BMP6: variants seen among roughly 807,000 people sequenced by gnomAD.
BMP6 encodes bone morphogenetic protein 6.
In BMP6, 17 loss-of-function variants were observed where a neutral mutation model predicts 54.1. That is an observed-to-expected ratio of 0.31 (90% CI 0.22 to 0.47). The LOEUF is 0.47. Ranked by LOEUF, BMP6 falls within the 20% of genes least tolerant of loss-of-function variation. The pLI is 1.00. For missense variants in BMP6, 720 were observed against 690.4 expected (o/e 1.04, Z -0.48); for synonymous variants, 328 against 291.2 (o/e 1.13, Z -1.28).
intron 1 of BMP6, among the ~76,000 whole-genome samples, chr6:7,758,419 A>AT (rs1052273079): frequency 9.9e-5 from 15 of 151,994 alleles, no homozygotes; most frequent in Admixed American, 2.6e-4. Context: ...ACCACCAGGC[A>AT]TTTTTTTTCA....
In BMP6 at chr6:7,791,461, C is replaced by T. The variant is rs559722455; in HGVS notation, c.665-53679C>T. Among the ~76,000 whole-genome samples the T allele has an allele frequency of 2.6e-5, 4 of 152,218 alleles. No individual in the cohort carries two copies. The South Asian group carries it at 8.3e-4, about 32-fold the overall frequency. ...ACCTCTACAGTCACTGCCTCTGGCC[C>T]CTTAAATGTTAGTGTTTTTCAGGCA... On this transcript the variant is annotated intron_variant, in intron 1 of 6. Coordinates refer to ENST00000283147, the MANE Select transcript of BMP6 (RefSeq NM_001718.6).
intron 1 of BMP6, among the ~76,000 whole-genome samples, chr6:7,828,739 G>A (rs181600961): frequency 2.0e-5 from 3 of 152,354 alleles, no homozygotes; most frequent in Admixed American, 2.0e-4. Context: ...ATACATTGGA[G>A]GGGAGTTTAG....
chr6:7,764,666 G>A (rs1240942278), intron 1 of BMP6, among the ~76,000 whole-genome samples: 1 of 152,018 alleles, frequency 6.6e-6, no homozygotes, highest in Admixed American at 6.6e-5. Context: ...ATTTTTTTAG[G>A]GGCAGGGTCT....
intron 1 of BMP6, among the ~76,000 whole-genome samples, chr6:7,769,477 G>T (rs1361382867): frequency 6.6e-6 from 1 of 152,170 alleles, no homozygotes; most frequent in Non-Finnish European, 1.5e-5. Context: ...CATTGAGTAG[G>T]GGTCGAGTTC....
intron 1 of BMP6, among the ~76,000 whole-genome samples, chr6:7,770,338 G>A (rs1027558897): frequency 1.3e-5 from 2 of 152,042 alleles, no homozygotes; most frequent in African/African-American, 4.8e-5. Context: ...AGGTCCTGGT[G>A]GTTTGGTTCA....
chr6:7,843,818 A>G lies in BMP6; in HGVS notation c.665-1322A>G, dbSNP rs78110199. ...TAGACACCTAAAATCTGACTGAAAA[A>G]TCATCAGTAATTGCAATTTCTCATT... On this transcript the variant is annotated intron_variant, in intron 1 of 6. Coordinates refer to ENST00000283147, the MANE Select transcript of BMP6 (RefSeq NM_001718.6). 8.9e-3 allele frequency among the ~76,000 whole-genome samples: 1,352 copies of G among 152,284 alleles called. 29 individuals are homozygous for G. The highest frequency in any genetic ancestry group is 0.03 in the African/African-American group (1,254 of 41,540).
chr6:7,749,025 T>C (rs1261687215), intron 1 of BMP6, among the ~76,000 whole-genome samples: 1 of 152,214 alleles, frequency 6.6e-6, no homozygotes, highest in Non-Finnish European at 1.5e-5. Flanking sequence ...TCTTCCACAT[T>C]GATGCTACTA....
chr6:7,770,467 T>G (rs769829016), intron 1 of BMP6, among the ~76,000 whole-genome samples: 2 of 152,298 alleles, frequency 1.3e-5, no homozygotes, highest in Non-Finnish European at 1.5e-5. Flanking sequence ...ACTGGGAGTT[T>G]TTTTCACGAT....
At chr6:7,745,641 A>G (rs191147302) in intron 1 of BMP6, among the ~76,000 whole-genome samples, 7 of 152,296 alleles carry the variant, frequency 4.6e-5, no homozygotes, top group Admixed American at 2.0e-4. Context: ...TTGGTTGTCC[A>G]GTGTTTATTG....
At chr6:7,827,459 C>G (rs1456325234) in intron 1 of BMP6, among the ~76,000 whole-genome samples, 2 of 152,178 alleles carry the variant, frequency 1.3e-5, no homozygotes, top group Non-Finnish European at 2.9e-5. Context: ...AACTGAGAAA[C>G]CTTTGGCTGG....
At chr6:7,828,995 A>T (rs1032086490) in intron 1 of BMP6, among the ~76,000 whole-genome samples, 1 of 152,178 alleles carries the variant, frequency 6.6e-6, no homozygotes, top group Non-Finnish European at 1.5e-5. Flanking sequence ...AGGTCATCTG[A>T]TGCGGTATAA....
intron 1 of BMP6, among the ~76,000 whole-genome samples, chr6:7,817,561 C>T (rs548137533): frequency 1.6e-4 from 13 of 80,728 alleles, no homozygotes; most frequent in Admixed American, 5.8e-4. Context: ...ACATCACACA[C>T]GGGGGCCTGT....
rs1448744352 is a variant in BMP6 at position 7,740,660 on chromosome 6, G to A, written c.664+13041G>A. 1.3e-5 allele frequency among the ~76,000 whole-genome samples: 2 copies of A among 152,138 alleles called. 1 individual carries two copies. Among genetic ancestry groups the A allele is most frequent in the East Asian group, 3.9e-4 (2 of 5,182 alleles). On this transcript the variant is annotated intron_variant, in intron 1 of 6. Coordinates refer to ENST00000283147, the MANE Select transcript of BMP6 (RefSeq NM_001718.6). Reference sequence around the variant, plus strand: ...CCACCCTGACTCGGGGGATTTGGGTGTGGGAATCTGCACTTCGACAAGCGG... The same window carrying A: ...CCACCCTGACTCGGGGGATTTGGGTATGGGAATCTGCACTTCGACAAGCGG...
intron 4 of BMP6, among the ~76,000 whole-genome samples, chr6:7,863,065 C>T (rs62387053): frequency 0.013 from 1,910 of 152,264 alleles, 14 homozygotes; most frequent in Non-Finnish European, 0.019. Flanking sequence ...GTGGCACGGT[C>T]TCGGCTCACT....
chr6:7,872,636 A>C (rs1043587656), intron 4 of BMP6, among the ~76,000 whole-genome samples: 12 of 152,176 alleles, frequency 7.9e-5, no homozygotes, highest in Admixed American at 7.9e-4. Flanking sequence ...GGTTCACAGA[A>C]ACCCAGAACT....
chr6:7,800,894 A>G (rs1335851136), intron 1 of BMP6, among the ~76,000 whole-genome samples: 5 of 138,458 alleles, frequency 3.6e-5, no homozygotes, highest in African/African-American at 1.5e-4. Flanking sequence ...GGCTGTGGTC[A>G]TAAAATAAAG....
chr6:7,875,940 C>G (rs1013090682), intron 4 of BMP6, among the ~76,000 whole-genome samples: 11 of 152,184 alleles, frequency 7.2e-5, no homozygotes, highest in Non-Finnish European at 1.5e-4. Flanking sequence ...TTCTTGATGT[C>G]ACCTTTGAGT....
intron 1 of BMP6, among the ~76,000 whole-genome samples, chr6:7,744,301 C>T (rs567192072): frequency 6.6e-6 from 1 of 152,234 alleles, no homozygotes; most frequent in East Asian, 1.9e-4. Flanking sequence ...AAACATGAAG[C>T]CTTGTCTCTA....
At chr6:7,736,855 C>T (rs1164015429) in intron 1 of BMP6, among the ~76,000 whole-genome samples, 1 of 152,100 alleles carries the variant, frequency 6.6e-6, no homozygotes, top group Non-Finnish European at 1.5e-5. Context: ...CCGTTATCTC[C>T]CACCCTATTC....
Sources: gnomAD v4.1 joint callset for allele counts (sites outside exome capture counted in the v4.1 genomes callset) on GRCh38, gnomAD v4.1.1 for gene constraint, MANE v1.5 for transcripts, NCBI Gene and HGNC (gene_info 2026-07-23, HGNC 2026-07-21) for gene names.